The following NAA11 variants were observed in gnomAD, a reference collection of about 807,000 sequenced individuals.
NAA11 encodes N-alpha-acetyltransferase 11, NatA catalytic subunit, also known as N-alpha-acetyltransferase 11.
Under a neutral mutation model 16.1 loss-of-function variants are expected in NAA11, and 15 were observed. The observed-to-expected ratio is 0.93, with a 90% CI of 0.62 to 1.44. The LOEUF (loss-of-function observed/expected upper bound fraction) is 1.44. NAA11 is among the 40% of genes most tolerant of loss of function. The probability of loss-of-function intolerance (pLI) is 0.00; values close to 1 mark genes in which losing one functional copy is unlikely to be tolerated. For missense variants in NAA11, 298 were observed against 291.3 expected, an observed-to-expected ratio of 1.02 and a Z score of -0.17; for synonymous variants, 122 against 112.4, an observed-to-expected ratio of 1.09 and a Z score of -0.54.
intron 2 of NAA11, among the ~76,000 whole-genome samples, chr4:79,264,659 C>T (rs1241702483): frequency 1.3e-5 from 2 of 152,130 alleles, no homozygotes; most frequent in African/African-American, 2.4e-5. Context: ...TTCAGTCTTC[C>T]TCCTTGAAAC....
downstream of NAA11, among the ~76,000 whole-genome samples, chr4:79,221,282 A>G (rs1197249952): frequency 4.6e-5 from 7 of 151,936 alleles, no homozygotes; most frequent in South Asian, 2.1e-4. Flanking sequence ...GGGCTGAGAC[A>G]GTGGGGTTTT....
chr4:79,324,643 C>T (rs892205514), intron 1 of NAA11, among the ~76,000 whole-genome samples: 1 of 152,130 alleles, frequency 6.6e-6, no homozygotes, highest in African/African-American at 2.4e-5. Flanking sequence ...TAGTACTGTG[C>T]ACTTCCTGTT....
chr4:79,158,058 G>A, the NAA11 span, among the ~76,000 whole-genome samples: 759 of 151,952 alleles, frequency 5.0e-3, 3 homozygotes, highest in Non-Finnish European at 8.0e-3. Context: ...TCGCCACCAC[G>A]CCCTGCTAAT....
At chr4:79,283,159 G>C (rs533456069) in intron 2 of NAA11, among the ~76,000 whole-genome samples, 1 of 152,078 alleles carries the variant, frequency 6.6e-6, no homozygotes, top group South Asian at 2.1e-4. Flanking sequence ...GGAATTAGTT[G>C]AGGAGAAAAT....
chr4:79,239,845 A>G (rs1343943404), intron 2 of NAA11, among the ~76,000 whole-genome samples: 1 of 152,192 alleles, frequency 6.6e-6, no homozygotes, highest in African/African-American at 2.4e-5. Context: ...TCAGTCATCT[A>G]GATTTCCCCA....
chr4:79,281,274 GAA>G, intron 2 of NAA11, among the ~76,000 whole-genome samples: 1 of 135,812 alleles, frequency 7.4e-6, no homozygotes, highest in South Asian at 2.3e-4. Context: ...GCAGATGGAG[GAA>G]AAAAAAAAAA....
chr4:79,209,147 A>G, the NAA11 span, among the ~76,000 whole-genome samples: 2 of 152,116 alleles, frequency 1.3e-5, no homozygotes, highest in Admixed American at 6.6e-5. Flanking sequence ...GCTGAATTGC[A>G]TCTTTTCCTG....
At chr4:79,158,705 A>ATATATATATATG in the NAA11 span, among the ~76,000 whole-genome samples, 3 of 145,480 alleles carry the variant, frequency 2.1e-5, no homozygotes, top group African/African-American at 7.4e-5. Flanking sequence ...CCTGATATAT[A>ATATATATATATG]TATATATATA....
At chr4:79,201,237 A>G in the NAA11 span, among the ~76,000 whole-genome samples, 1 of 151,590 alleles carries the variant, frequency 6.6e-6, no homozygotes, top group South Asian at 2.1e-4. Flanking sequence ...TCTTTGGGCA[A>G]ATTTCCTTAT....
intron 1 of NAA11, among the ~76,000 whole-genome samples, chr4:79,321,303 T>G (rs1373067977): frequency 2.0e-5 from 3 of 152,208 alleles, no homozygotes; most frequent in Non-Finnish European, 4.4e-5. Flanking sequence ...GCTGTGTTGT[T>G]GCTGAACTCC....
chr4:79,265,302 C>T (rs1722320121), intron 2 of NAA11, among the ~76,000 whole-genome samples: 1 of 152,182 alleles, frequency 6.6e-6, no homozygotes, highest in Admixed American at 6.5e-5. Context: ...ACTGGTATTC[C>T]TTTTTCCACT....
At chr4:79,313,590 G>GT (rs906874246), downstream of NAA11, among the ~76,000 whole-genome samples, 2 of 152,068 alleles carry the variant, frequency 1.3e-5, no homozygotes, top group Admixed American at 6.6e-5. Context: ...AATGAAAAGA[G>GT]TTTTTTTCCC....
At chr4:79,180,114 T>G in the NAA11 span, among the ~76,000 whole-genome samples, 178 of 152,286 alleles carry the variant, frequency 1.2e-3, 2 homozygotes, top group East Asian at 0.031. Context: ...AAGATGAGAT[T>G]TTTGTGGGGA....
the NAA11 span, among the ~76,000 whole-genome samples, chr4:79,173,099 G>A: frequency 4.6e-5 from 7 of 152,152 alleles, no homozygotes; most frequent in Non-Finnish European, 7.4e-5. Flanking sequence ...TGGGTAGAAC[G>A]AAAAGGAGAT....
At chr4:79,243,928 C>A (rs745685184) in intron 2 of NAA11, among the ~76,000 whole-genome samples, 1 of 152,176 alleles carries the variant, frequency 6.6e-6, no homozygotes, top group Non-Finnish European at 1.5e-5. Flanking sequence ...GTGGGCTTTC[C>A]GCATGTGCAG....
intron 2 of NAA11, among the ~76,000 whole-genome samples, chr4:79,278,448 T>C (rs1190537198): frequency 6.6e-6 from 1 of 152,124 alleles, no homozygotes; most frequent in Non-Finnish European, 1.5e-5. Context: ...ACTTTGAAAA[T>C]TTTTCCCTAA....
chr4:79,303,375 A>C (rs566348818), intron 1 of NAA11, among the ~76,000 whole-genome samples: 1 of 152,096 alleles, frequency 6.6e-6, no homozygotes, highest in Non-Finnish European at 1.5e-5. Flanking sequence ...GCTGGAGTGC[A>C]GTGGCATAAT....
At position 79,325,503 on chromosome 4, in the gene NAA11, G is replaced by A. The variant is rs1316355760; in HGVS notation, c.375C>T (p.Thr125=). Residue 125 remains threonine, a synonymous_variant, in exon 1 of 2, where the codon ACC becomes ACT. Coordinates refer to ENST00000286794, the MANE Select transcript of NAA11 (RefSeq NM_032693.3). The stretch of plus-strand genomic sequence containing the variant: ...CCACCTCACTAATCTGAAAGTTGAG[G>A]GTGTTAGAATAAAGGTGCAAGGCTG... ...NRPALHLYSN[T]LNFQISEVEP... is the part of the protein sequence containing the mutation. The A allele has an allele frequency of 1.4e-5, 22 of 1,614,048 alleles. No individual in the cohort carries two copies. Among genetic ancestry groups the A allele is most frequent in the Non-Finnish European group, 1.9e-5 (22 of 1,180,040 alleles).
the NAA11 span, among the ~76,000 whole-genome samples, chr4:79,171,619 A>G: frequency 6.6e-6 from 1 of 152,186 alleles, no homozygotes; most frequent in Non-Finnish European, 1.5e-5. Context: ...TCTCATATGG[A>G]TTTATAATGA....
Sources: gnomAD v4.1 joint callset for allele counts (sites outside exome capture counted in the v4.1 genomes callset) on GRCh38, gnomAD v4.1.1 for gene constraint, MANE v1.5 for transcripts, NCBI Gene and HGNC (gene_info 2026-07-23, HGNC 2026-07-21) for gene names.